The following LRRC37A2 variants were observed in gnomAD, a reference collection of about 807,000 sequenced individuals.
The protein encoded by LRRC37A2 is leucine rich repeat containing 37 member A2, also known as leucine-rich repeat-containing protein 37A2.
In LRRC37A2, 9 loss-of-function variants were observed where a neutral mutation model predicts 68.8. The ratio of observed to expected loss-of-function variants is 0.13; its 90% CI spans 0.08 to 0.23. The LOEUF (loss-of-function observed/expected upper bound fraction) is 0.23. LRRC37A2 is among the 10% of genes least tolerant of loss of function. LRRC37A2 has a pLI of 1.00. For missense variants in LRRC37A2, 168 were observed against 950.4 expected, an observed-to-expected ratio of 0.18 and a Z score of 10.82; for synonymous variants, 63 against 367.6, an observed-to-expected ratio of 0.17 and a Z score of 9.48.
the LRRC37A2 span, among the ~76,000 whole-genome samples, chr17:46,841,978 C>T: frequency 6.6e-5 from 10 of 152,206 alleles, no homozygotes; most frequent in African/African-American, 2.4e-4. Flanking sequence ...GCGAGCAGCG[C>T]TGACCGGCAG....
the LRRC37A2 span, among the ~76,000 whole-genome samples, chr17:46,856,143 G>A: frequency 6.6e-6 from 1 of 152,238 alleles, no homozygotes; most frequent in African/African-American, 2.4e-5. Context: ...ATAGTACAGA[G>A]AAGTTTATGA....
the LRRC37A2 span, among the ~76,000 whole-genome samples, chr17:46,873,091 CACACACACA>C: frequency 7.9e-3 from 76 of 9,612 alleles, no homozygotes; most frequent in Non-Finnish European, 0.012. Context: ...CCTCTTCACA[CACACACACA>C]CACACACACA....
chr17:46,754,208 A>G, the LRRC37A2 span, among the ~76,000 whole-genome samples: 1 of 151,166 alleles, frequency 6.6e-6, no homozygotes, highest in East Asian at 1.9e-4. Context: ...TCTATTCCCA[A>G]AAAGGAAAAA....
At chr17:46,504,880 AAATT>A in the LRRC37A2 span, among the ~76,000 whole-genome samples, 3 of 124,510 alleles carry the variant, frequency 2.4e-5, 1 homozygote, top group African/African-American at 1.0e-4. Flanking sequence ...ATTAATTAAT[AAATT>A]GATTTAATAC....
chr17:46,949,628 G>A, the LRRC37A2 span, among the ~76,000 whole-genome samples: 2 of 152,202 alleles, frequency 1.3e-5, no homozygotes, highest in Admixed American at 6.5e-5. Flanking sequence ...ACATACATGA[G>A]CATGCAGCAA....
At chr17:46,886,366 T>C in the LRRC37A2 span, 2 of 152,236 alleles carry the variant, frequency 1.3e-5, no homozygotes, top group Non-Finnish European at 2.9e-5. Context: ...TTTCAATTAA[T>C]AAATAAAATT....
the LRRC37A2 span, among the ~76,000 whole-genome samples, chr17:46,697,403 G>A: frequency 6.7e-6 from 1 of 149,808 alleles, no homozygotes; most frequent in African/African-American, 2.5e-5. Context: ...GTAGAGATGG[G>A]TTTTCACCAT....
intron 2 of LRRC37A2, among the ~76,000 whole-genome samples, chr17:46,516,170 G>A (rs1367652208): frequency 2.0e-5 from 3 of 150,028 alleles, no homozygotes; most frequent in Admixed American, 6.7e-5. Flanking sequence ...AGGCATGGTG[G>A]TGGGTGCCTG....
the LRRC37A2 span, chr17:47,017,138 A>G: frequency 6.2e-7 from 1 of 1,603,606 alleles, no homozygotes; most frequent in South Asian, 1.1e-5. Context: ...AGGTGTCATA[A>G]AGACAGGGCG....
chr17:47,032,244 G>C, the LRRC37A2 span, among the ~76,000 whole-genome samples: 1 of 142,688 alleles, frequency 7.0e-6, no homozygotes, highest in African/African-American at 2.6e-5. Flanking sequence ...CATGTCCGAA[G>C]TTCTTAGAAC....
the LRRC37A2 span, among the ~76,000 whole-genome samples, chr17:46,795,668 T>C: frequency 6.6e-6 from 1 of 152,186 alleles, no homozygotes; most frequent in Non-Finnish European, 1.5e-5. Context: ...CCAAGCCCAG[T>C]TCCGGAGCAC....
chr17:46,789,292 T>C, the LRRC37A2 span, among the ~76,000 whole-genome samples: 1 of 152,168 alleles, frequency 6.6e-6, no homozygotes, highest in Non-Finnish European at 1.5e-5. Context: ...TATTCTATGC[T>C]CTTCAGAAAA....
the LRRC37A2 span, among the ~76,000 whole-genome samples, chr17:46,418,540 CAT>C: frequency 1.1e-4 from 2 of 18,614 alleles, no homozygotes; most frequent in African/African-American, 1.8e-4. Flanking sequence ...TTTGTTTTAA[CAT>C]ATATTTTTCT....
chr17:46,826,244 C>T, the LRRC37A2 span, among the ~76,000 whole-genome samples: 1 of 152,270 alleles, frequency 6.6e-6, no homozygotes, highest in Non-Finnish European at 1.5e-5. Context: ...TGGCCAGTAG[C>T]TGTCATTGCT....
the LRRC37A2 span, among the ~76,000 whole-genome samples, chr17:46,861,116 C>T: frequency 6.6e-6 from 1 of 152,248 alleles, no homozygotes; most frequent in Non-Finnish European, 1.5e-5. Context: ...CAGTGGAACC[C>T]CAACTGGAGG....
the LRRC37A2 span, chr17:46,941,997 TA>T: frequency 2.1e-6 from 2 of 975,508 alleles, no homozygotes; most frequent in Admixed American, 6.2e-5. Context: ...AAGTCCAAAA[TA>T]AATTCTTACT....
At chr17:46,968,457 C>T in the LRRC37A2 span, among the ~76,000 whole-genome samples, 101 of 152,350 alleles carry the variant, frequency 6.6e-4, 1 homozygote, top group Admixed American at 1.9e-3. Flanking sequence ...ATGCGGGGAC[C>T]GCTGGAGCAG....
the LRRC37A2 span, among the ~76,000 whole-genome samples, chr17:46,722,845 A>C: frequency 1.3e-5 from 2 of 152,234 alleles, no homozygotes; most frequent in Non-Finnish European, 2.9e-5. Flanking sequence ...AAACTAGTCA[A>C]GTTACAACTG....
At chr17:46,844,492 TC>T in the LRRC37A2 span, among the ~76,000 whole-genome samples, 7 of 152,136 alleles carry the variant, frequency 4.6e-5, no homozygotes, top group Non-Finnish European at 1.0e-4. Context: ...AATGAGCACT[TC>T]CTGTAAACTT....
Sources: allele counts gnomAD v4.1 joint callset (sites outside exome capture counted in the v4.1 genomes callset), GRCh38; gene constraint gnomAD v4.1.1; transcripts MANE v1.5; gene names NCBI Gene and HGNC (gene_info 2026-07-23, HGNC 2026-07-21).